CACNA1C: variants seen among roughly 807,000 people sequenced by gnomAD.
CACNA1C encodes voltage-dependent L-type calcium channel subunit alpha-1C.
A neutral mutation model predicts 229.0 loss-of-function variants in CACNA1C; 30 were observed. That is an observed-to-expected ratio of 0.13 (90% confidence interval 0.10 to 0.18). CACNA1C has a LOEUF of 0.18. Ranked by LOEUF, CACNA1C falls within the 10% of genes least tolerant of loss-of-function variation. CACNA1C has a pLI of 1.00. For missense variants in CACNA1C, 1,658 were observed against 2,845.0 expected (o/e 0.58, Z 9.49); for synonymous variants, 1,114 against 1,132.5 (o/e 0.98, Z 0.33).
At position 2,319,761 on chromosome 12, in the gene CACNA1C, CAAG is replaced by C. The variant is rs1386064064; in HGVS notation, c.478-129211_478-129209del. On this transcript the variant is annotated intron_variant, in intron 3 of 46. Coordinates refer to ENST00000399655, the MANE Select transcript of CACNA1C (RefSeq NM_000719.7). This position sits in a 1 kb window ranked among gnomAD's most constrained non-coding sequence, Gnocchi z 4.0. ...GGGCCGGGAGAGGATGAGCATTCCTCAAGAAGGGAGACAGCAGAGCACTAGATG... is the reference window on the plus strand; with the variant it reads ...GGGCCGGGAGAGGATGAGCATTCCTCAAGGGAGACAGCAGAGCACTAGATG... 6.6e-6 allele frequency among the ~76,000 whole-genome samples: 1 copy of C among 152,080 alleles called. No homozygotes were observed. The highest frequency in any genetic ancestry group is 2.4e-5 in the African/African-American group (1 of 41,404).
intron 1 of CACNA1C, among the ~76,000 whole-genome samples, chr12:2,023,747 T>C (rs1049446002): frequency 6.6e-6 from 1 of 152,120 alleles, no homozygotes; most frequent in African/African-American, 2.4e-5. Flanking sequence ...TCTAAGTAAA[T>C]GCAGCTCACA....
chr12:2,446,055 G>A (rs951658247), intron 3 of CACNA1C, among the ~76,000 whole-genome samples: 1 of 149,824 alleles, frequency 6.7e-6, no homozygotes, highest in African/African-American at 2.5e-5. Context: ...GGTGGATGGT[G>A]GGTGAGTGGA....
intron 3 of CACNA1C, among the ~76,000 whole-genome samples, chr12:2,339,060 A>G (rs181380033): frequency 3.9e-5 from 6 of 152,378 alleles, no homozygotes; most frequent in Admixed American, 2.0e-4. Flanking sequence ...ATGGGGATAC[A>G]TTCTAAGAAA....
intron 8 of CACNA1C, among the ~76,000 whole-genome samples, chr12:2,511,717 A>G (rs1464443025): frequency 6.6e-6 from 1 of 152,190 alleles, no homozygotes; most frequent in East Asian, 1.9e-4. Context: ...TTGAGAATTC[A>G]CTTTGTTGAT....
intron 3 of CACNA1C, among the ~76,000 whole-genome samples, chr12:2,263,103 G>A (rs1035445397): frequency 1.4e-4 from 21 of 152,358 alleles, no homozygotes; most frequent in African/African-American, 4.8e-4. Flanking sequence ...CAGGGAAGGT[G>A]TTACTGTGAA....
intron 38 of CACNA1C, among the ~76,000 whole-genome samples, chr12:2,669,425 T>C (rs988920837): frequency 6.6e-6 from 1 of 152,148 alleles, no homozygotes; most frequent in African/African-American, 2.4e-5. Context: ...GGGCCGCATG[T>C]GGCCCATGGG....
chr12:2,049,671 C>G (rs1189872334), upstream of CACNA1C, among the ~76,000 whole-genome samples: 2 of 152,134 alleles, frequency 1.3e-5, no homozygotes, highest in Non-Finnish European at 2.9e-5. Context: ...CAAATATAAG[C>G]AAAATACTAT....
chr12:2,531,395 CCT>C (rs1433455733), intron 9 of CACNA1C, among the ~76,000 whole-genome samples: 1 of 152,138 alleles, frequency 6.6e-6, no homozygotes, highest in Admixed American at 6.5e-5. Flanking sequence ...ACTAACTGGC[CCT>C]GTAACCTAAA....
intron 3 of CACNA1C, among the ~76,000 whole-genome samples, chr12:2,192,114 C>A (rs905565668): frequency 1.3e-5 from 2 of 152,038 alleles, no homozygotes; most frequent in Admixed American, 6.6e-5. Flanking sequence ...ACACACACAC[C>A]CCCTCCCTCC....
chr12:2,171,635 A>G (rs2096485193), intron 3 of CACNA1C, among the ~76,000 whole-genome samples: 1 of 152,086 alleles, frequency 6.6e-6, no homozygotes, highest in South Asian at 2.1e-4. Flanking sequence ...CTGAGTGCCC[A>G]TCAGGAGTTG....
intron 3 of CACNA1C, among the ~76,000 whole-genome samples, chr12:2,144,065 G>A (rs865882608): frequency 2.7e-4 from 41 of 151,528 alleles, no homozygotes; most frequent in African/African-American, 8.9e-4. Context: ...CTGCTCTGTT[G>A]CTTGTGGTCA....
At chr12:2,115,067 G>T (rs1212292277) in intron 1 of CACNA1C, among the ~76,000 whole-genome samples, 157 bp from the exon 2 acceptor site, 3 of 152,146 alleles carry the variant, frequency 2.0e-5, no homozygotes, top group Non-Finnish European at 4.4e-5. Context: ...TCTTCCCTCA[G>T]CATCTCACAC....
chr12:2,405,658 C>CT (rs2098729805), intron 3 of CACNA1C, among the ~76,000 whole-genome samples: 1 of 152,128 alleles, frequency 6.6e-6, no homozygotes, highest in Non-Finnish European at 1.5e-5. Flanking sequence ...ACTGGTACTA[C>CT]TTTTTTCCAG....
In CACNA1C at chr12:2,605,822, C is replaced by T. The variant is rs1157000866; in HGVS notation, c.3156+36C>T. 3.0e-6 allele frequency: 4 copies of T among 1,341,310 alleles called. No homozygotes were observed. In the South Asian group the frequency reaches 3.5e-5, roughly 12 times the overall value. The allele number at this position is 1,341,310 out of a possible 1,614,324, so 83.1% of individuals were successfully genotyped here. ...GGCTCCGTTGTGGTCCTCCTACCTC[C>T]CCTCCCATCAGCATTCCTGGGGAAG... On this transcript the variant is annotated intron_variant, in intron 24 of 46. Transcript: ENST00000399655. The surrounding 1 kb of genome is among the most constrained non-coding windows in gnomAD (Gnocchi z 6.2).
chr12:2,162,616 G>C (rs1003999448), intron 3 of CACNA1C, among the ~76,000 whole-genome samples: 4 of 152,102 alleles, frequency 2.6e-5, no homozygotes, highest in Non-Finnish European at 4.4e-5. Context: ...GGGGCAGAGA[G>C]AGGAAAGGAC....
chr12:2,326,925 C>A (rs1467670617), intron 3 of CACNA1C, among the ~76,000 whole-genome samples: 2 of 152,212 alleles, frequency 1.3e-5, no homozygotes, highest in Admixed American at 6.5e-5. Context: ...CTCCAGGAGG[C>A]TCCTGATTTG....
chr12:2,379,310 A>G (rs926341071), intron 3 of CACNA1C, among the ~76,000 whole-genome samples: 7 of 152,226 alleles, frequency 4.6e-5, no homozygotes, highest in Non-Finnish European at 1.0e-4. Flanking sequence ...GTCCCGGGCT[A>G]ATAATCATGA....
At chr12:2,251,653 G>T (rs1269815387) in intron 3 of CACNA1C, among the ~76,000 whole-genome samples, 1 of 152,214 alleles carries the variant, frequency 6.6e-6, no homozygotes, top group Non-Finnish European at 1.5e-5. Flanking sequence ...AATGGTTAGA[G>T]AAATAAATTG....
Position 2,663,693 on chromosome 12 carries a change from A to G in CACNA1C, c.4233-1132A>G, listed in dbSNP as rs2095882541. ...GTAAGCAAAAACCACCTGTTCCCAA[A>G]AAACTATTGGAAATTTTAAAAAAGA... On this transcript the variant is annotated intron_variant, in intron 34 of 46. Transcript: ENST00000399655. 2.0e-5 allele frequency among the ~76,000 whole-genome samples: 3 copies of G among 151,740 alleles called. No individual in the cohort carries two copies. In the South Asian group the frequency reaches 6.2e-4, roughly 31 times the overall value.
Sources: allele counts gnomAD v4.1 joint callset (sites outside exome capture counted in the v4.1 genomes callset), GRCh38; gene constraint gnomAD v4.1.1; non-coding constraint Gnocchi (gnomAD v3.1); transcripts MANE v1.5; gene names NCBI Gene and HGNC (gene_info 2026-07-23, HGNC 2026-07-21).